Variants in DENND4C observed in about 807,000 individuals in gnomAD.
The protein encoded by DENND4C is DENN domain-containing protein 4C.
In DENND4C, 108 loss-of-function variants were observed where a neutral mutation model predicts 203.0. That is an observed-to-expected ratio of 0.53 (90% CI 0.46 to 0.62). DENND4C has a LOEUF of 0.62. Among genes scored for constraint, DENND4C ranks in the 20% least tolerant of loss-of-function variants. DENND4C has a pLI of 0.00. For synonymous variants in DENND4C, 871 were observed against 792.4 expected (o/e 1.10, Z -1.67); for missense variants, 2,481 against 2,301.2 (o/e 1.08, Z -1.60).
Position 19,237,818 on chromosome 9 carries a change from C to A in DENND4C, c.-18+6985C>A, listed in dbSNP as rs1822410378. ...ATATGTAATTTAAATTTTATATACC[C>A]CCACACTAAAAAAGTAGCGATAAGT... On this transcript the variant is annotated intron_variant, in intron 1 of 32. Transcript: ENST00000434457. 1.3e-5 allele frequency among the ~76,000 whole-genome samples: 2 copies of A among 151,998 alleles called. 1 individual carries two copies. Among genetic ancestry groups the A allele is most frequent in the South Asian group, 4.1e-4 (2 of 4,820 alleles).
intron 26 of DENND4C, 45 bp downstream of exon 26, chr9:19,352,710 A>C (rs1322391961): frequency 7.0e-7 from 1 of 1,432,036 alleles, no homozygotes; most frequent in East Asian, 2.4e-5. Flanking sequence ...ACCCTCAAAA[A>C]ACACGACTTC....
intron 15 of DENND4C, among the ~76,000 whole-genome samples, chr9:19,326,607 C>T (rs371350187): frequency 6.6e-6 from 1 of 152,028 alleles, no homozygotes. Context: ...GGATGTGACT[C>T]TTTTAAGAAA....
chr9:19,336,163 A>G (rs1027949628), intron 18 of DENND4C, 107 bp from the exon 19 acceptor site: 4 of 943,898 alleles, frequency 4.2e-6, no homozygotes, highest in Non-Finnish European at 4.2e-6. Flanking sequence ...ATAACTTTTT[A>G]TATTTGTGTA....
At position 19,288,111 on chromosome 9, in the gene DENND4C, C is replaced by T. The variant is rs575898758; in HGVS notation, c.559-485C>T. 1.0e-3 allele frequency among the ~76,000 whole-genome samples: 153 copies of T among 152,246 alleles called. 1 individual carries two copies. The highest frequency in any genetic ancestry group is 1.6e-3 in the Non-Finnish European group (109 of 68,034). ...ATGTTTGATTCATAGTTTTTAAAGA[C>T]TACAGCTTACTTTTGGTTCAGATTT... On this transcript the variant is annotated intron_variant, in intron 3 of 32. Coordinates refer to ENST00000434457, the MANE Select transcript of DENND4C (RefSeq NM_001330640.2).
intron 26 of DENND4C, among the ~76,000 whole-genome samples, chr9:19,355,792 G>A (rs750409844): frequency 3.3e-5 from 5 of 152,074 alleles, no homozygotes; most frequent in Non-Finnish European, 7.4e-5. Flanking sequence ...AATCCAACTA[G>A]AGTTTTCTTT....
chr9:19,337,788 C>G (rs958733089), intron 20 of DENND4C: 1 of 470,412 alleles, frequency 2.1e-6, no homozygotes, highest in South Asian at 2.0e-5. Context: ...CTTGCCTTTT[C>G]TCCTTCAGAT....
intron 15 of DENND4C, among the ~76,000 whole-genome samples, chr9:19,327,526 TACATA>T (rs1395500011): frequency 6.6e-6 from 1 of 152,020 alleles, no homozygotes; most frequent in Non-Finnish European, 1.5e-5. Flanking sequence ...CACAAAGATA[TACATA>T]TGAAAATATT....
At chr9:19,305,023 T>G (rs1839392877) in intron 9 of DENND4C, among the ~76,000 whole-genome samples, 1 of 152,094 alleles carries the variant, frequency 6.6e-6, no homozygotes. Flanking sequence ...GTTTATTTTA[T>G]GATATTTGGG....
At chr9:19,262,649 C>T (rs1046337750) in intron 1 of DENND4C, among the ~76,000 whole-genome samples, 1 of 152,026 alleles carries the variant, frequency 6.6e-6, no homozygotes, top group East Asian at 1.9e-4. Flanking sequence ...CCAGACTGGT[C>T]TTTAATTCCT....
intron 17 of DENND4C, among the ~76,000 whole-genome samples, chr9:19,332,837 T>C (rs1314248944): frequency 1.1e-4 from 16 of 149,206 alleles, no homozygotes; most frequent in East Asian, 3.9e-4. Flanking sequence ...CTCCTGGCTC[T>C]TGAACCCCCA....
At chr9:19,240,921 C>G (rs925337896) in intron 1 of DENND4C, among the ~76,000 whole-genome samples, 1 of 152,172 alleles carries the variant, frequency 6.6e-6, no homozygotes, top group Non-Finnish European at 1.5e-5. Context: ...CGAGATCACG[C>G]CACTGCACTC....
At chr9:19,293,311 T>G (rs539928585) in intron 5 of DENND4C, among the ~76,000 whole-genome samples, 2 of 152,352 alleles carry the variant, frequency 1.3e-5, no homozygotes, top group East Asian at 3.9e-4. Flanking sequence ...TGTCATTGCT[T>G]GTTAAAAACT....
At chr9:19,327,636 T>C (rs1818097659) in intron 15 of DENND4C, among the ~76,000 whole-genome samples, 1 of 152,014 alleles carries the variant, frequency 6.6e-6, no homozygotes, top group African/African-American at 2.4e-5. Context: ...AAAAATTTTA[T>C]GGATTTTTTT....
At position 19,244,694 on chromosome 9, in the gene DENND4C, C is replaced by T. The variant is rs997852967; in HGVS notation, c.-18+13861C>T. 1.4e-3 allele frequency among the ~76,000 whole-genome samples: 212 copies of T among 148,826 alleles called. 1 individual carries two copies. Among genetic ancestry groups the T allele is most frequent in the African/African-American group, 5.0e-3 (202 of 40,292 alleles). ...GGTGGAGGTTGCAGTGAGCGGAGAT[C>T]GTGCCACTGCACTCCAGCCTGGGTG... is the stretch of plus-strand genomic sequence containing the variant. On this transcript the variant is annotated intron_variant, in intron 1 of 32. Coordinates refer to ENST00000434457, the MANE Select transcript of DENND4C (RefSeq NM_001330640.2).
chr9:19,324,527 C>T lies in DENND4C; in HGVS notation c.1953+20C>T, dbSNP rs1843398018. On this transcript the variant is annotated intron_variant, in intron 13 of 32. Transcript: ENST00000434457. ...GAAAAGGTAAAAGTTTGTACTTATA[C>T]TAGTGTTTAGAAAAAAAAGTTTGCC... 2 of 1,589,176 alleles carry T rather than the reference C, an allele frequency of 1.3e-6. No homozygotes were observed. Among genetic ancestry groups the T allele is most frequent in the Non-Finnish European group, 1.7e-6 (2 of 1,174,098 alleles).
At chr9:19,232,120 A>G (rs1481716453) in intron 1 of DENND4C, among the ~76,000 whole-genome samples, 1 of 152,200 alleles carries the variant, frequency 6.6e-6, no homozygotes, top group Non-Finnish European at 1.5e-5. Context: ...GCAAAAAAGA[A>G]ACTATATTTT....
chr9:19,244,133 C>A (rs1476784651), intron 1 of DENND4C, among the ~76,000 whole-genome samples: 1 of 151,792 alleles, frequency 6.6e-6, no homozygotes, highest in Non-Finnish European at 1.5e-5. Flanking sequence ...CGGGTTTAAG[C>A]GATTCTCCTG....
chr9:19,357,024 C>G lies in DENND4C; in HGVS notation c.4834C>G (p.Pro1612Ala), dbSNP rs1330411911. 3 of 1,613,928 alleles carry G rather than the reference C, an allele frequency of 1.9e-6. No homozygotes were observed. In the Admixed American group the frequency reaches 5.0e-5, roughly 27 times the overall value. The stretch of plus-strand genomic sequence containing the variant: ...TGACAGTTTACAAAGTGGAAGCATT[C>G]CATTGGCAAATGAATCCTTGGAGCA... ...SGDSLQSGSIPLANESLEHKP... is the reference protein window; with the variant it reads ...SGDSLQSGSIALANESLEHKP... The change falls in exon 27 of 33, where the codon CCA becomes GCA. Residue 1612 changes from proline (P) to alanine (A), a missense_variant. Pro to Ala is a conservative substitution (Grantham distance 27). Around this residue, in one of 3 missense-constraint regions of DENND4C, gnomAD observed 2,289 missense variants for 2,113.3 expected, o/e 1.08. Transcript: ENST00000434457.
chr9:19,365,400 G>A (rs567436569), intron 30 of DENND4C, among the ~76,000 whole-genome samples: 9 of 152,138 alleles, frequency 5.9e-5, no homozygotes, highest in East Asian at 1.9e-4. Context: ...ATCTTCCTCC[G>A]CCTGGTAATG....
Sources: gnomAD v4.1 joint callset for allele counts (sites outside exome capture counted in the v4.1 genomes callset) on GRCh38, gnomAD v4.1.1 for gene constraint, gnomAD v4.1.1 regional missense constraint, MANE v1.5 for transcripts, NCBI Gene and HGNC (gene_info 2026-07-23, HGNC 2026-07-21) for gene names.